The following PGS1 variants were observed in gnomAD, a reference collection of about 807,000 sequenced individuals.
PGS1 encodes the protein CDP-diacylglycerol--glycerol-3-phosphate 3-phosphatidyltransferase, mitochondrial.
Under a neutral mutation model 58.3 loss-of-function variants are expected in PGS1, and 44 were observed. That is an observed-to-expected ratio of 0.75 (90% CI 0.59 to 0.97). The LOEUF is 0.97. PGS1 is among the 50% of genes least tolerant of loss of function. PGS1 has a pLI of 0.00. For missense variants in PGS1, 684 were observed against 731.1 expected (o/e 0.94, Z 0.74); for synonymous variants, 330 against 311.0 (o/e 1.06, Z -0.64).
intron 6 of PGS1, among the ~76,000 whole-genome samples, chr17:78,403,130 A>G (rs1289743130): frequency 3.3e-5 from 5 of 152,096 alleles, no homozygotes; most frequent in Admixed American, 6.5e-5. Context: ...GAGCTTCCTT[A>G]TTGAAGTAGA....
chr17:78,386,418 G>T (rs570558940), intron 1 of PGS1, among the ~76,000 whole-genome samples: 1 of 152,186 alleles, frequency 6.6e-6, no homozygotes, highest in East Asian at 1.9e-4. Flanking sequence ...GAGAGGCAAG[G>T]GTGGCAGAAG....
chr17:78,414,791 C>A, intron 7 of PGS1, 88 bp from the exon 8 acceptor site: 1 of 1,503,400 alleles, frequency 6.7e-7, no homozygotes, highest in Non-Finnish European at 9.1e-7. Context: ...GGGCAGGCCG[C>A]CTTTCTCTTA....
In PGS1 at chr17:78,420,163, C is replaced by A. The variant is rs953539059; in HGVS notation, c.*10+488C>A. On this transcript the variant is annotated intron_variant, in intron 9 of 9. Transcript: ENST00000262764. ...GGGTGGGGCGTCGGTAGAGCCAGAC[C>A]GTGGGCTGCTGCCTGGACGCCTCGC... 9.0e-6 allele frequency: 9 copies of A among 1,000,968 alleles called. No individual in the cohort carries two copies. The African/African-American group carries it at 1.4e-4, about 15-fold the overall frequency. 62.0% of individuals were successfully genotyped at this position (1,000,968 alleles called of 1,614,324 possible).
intron 4 of PGS1, among the ~76,000 whole-genome samples, chr17:78,398,662 C>G (rs886580081): frequency 6.6e-6 from 1 of 152,222 alleles, no homozygotes; most frequent in African/African-American, 2.4e-5. Flanking sequence ...CATAGCCAGA[C>G]TTTGTCTCAT....
At chr17:78,415,084 G>C in intron 8 of PGS1, 57 bp downstream of exon 8, 1 of 1,593,946 alleles carries the variant, frequency 6.3e-7, no homozygotes. Context: ...GGGGGCCCAG[G>C]CTCACCCGTG....
intron 1 of PGS1, among the ~76,000 whole-genome samples, chr17:78,390,777 A>G (rs1291839791): frequency 6.6e-6 from 1 of 152,092 alleles, no homozygotes; most frequent in Non-Finnish European, 1.5e-5. Flanking sequence ...GCAGAAATGA[A>G]GTTCTGTGGG....
At chr17:78,422,324 T>C (rs369680207) in intron 9 of PGS1, among the ~76,000 whole-genome samples, 1 of 152,268 alleles carries the variant, frequency 6.6e-6, no homozygotes, top group East Asian at 1.9e-4. Context: ...AGGATTTTTC[T>C]TTTCCCTCCG....
chr17:78,387,376 T>C (rs950266911), intron 1 of PGS1, among the ~76,000 whole-genome samples: 1 of 151,020 alleles, frequency 6.6e-6, no homozygotes, highest in East Asian at 1.9e-4. Flanking sequence ...CTGGGCTCAC[T>C]GCAACCTCCG....
At chr17:78,397,591 C>CG (rs1029862886) in intron 3 of PGS1, among the ~76,000 whole-genome samples, 1 of 130,108 alleles carries the variant, frequency 7.7e-6, no homozygotes, top group South Asian at 2.5e-4. Flanking sequence ...CATGCGCCAC[C>CG]CCCCCAGCTA....
chr17:78,391,426 C>G (rs2082820150), intron 1 of PGS1, among the ~76,000 whole-genome samples: 1 of 152,004 alleles, frequency 6.6e-6, no homozygotes, highest in Admixed American at 6.6e-5. Context: ...CTCAGGAGAT[C>G]CTCCTGCCTC....
At chr17:78,398,205 A>C (rs776890768) in intron 3 of PGS1, 47 bp from the exon 4 acceptor site, 1 of 1,341,588 alleles carries the variant, frequency 7.5e-7, no homozygotes, top group East Asian at 2.3e-5. Context: ...TTAAATACAC[A>C]CACCTCTTTG....
Position 78,400,882 on chromosome 17 carries a change from A to G in PGS1, c.880+27A>G, listed in dbSNP as rs3817294. ...TAGGGGCTGCCGCTGACACCCTTCT[A>G]TGGCTGTGGGTGGGGTGGAGTGAGG... On this transcript the variant is annotated intron_variant, in intron 6 of 9. Transcript: ENST00000262764. This position sits in a 1 kb window ranked among gnomAD's most constrained non-coding sequence, Gnocchi z 4.4. 0.61 allele frequency: 940,972 copies of G among 1,546,666 alleles called. 287,276 individuals are homozygous for G. Among genetic ancestry groups the G allele is most frequent in the Middle Eastern group, 0.67 (3,937 of 5,834 alleles).
At position 78,400,829 on chromosome 17, in the gene PGS1, T is replaced by TG. The variant is rs753405390; in HGVS notation, c.856dup (p.Asp286GlyfsTer20). The TG allele has an allele frequency of 6.2e-7, 1 of 1,609,194 alleles. No homozygotes were observed. The highest frequency in any genetic ancestry group is 1.7e-5 in the Admixed American group (1 of 59,758). The stretch of plus-strand genomic sequence containing the variant: ...CAGGGGGACGACACGGTGCAGGTGG[T>TG]GGATGGGATGGTGCATCCTTACAAA... On this transcript the variant is annotated frameshift_variant, in exon 6 of 10. Coordinates refer to ENST00000262764, the MANE Select transcript of PGS1 (RefSeq NM_024419.5). LOFTEE classifies it high-confidence loss of function. The surrounding 1 kb of genome is among the most constrained non-coding windows in gnomAD (Gnocchi z 4.4).
intron 7 of PGS1, among the ~76,000 whole-genome samples, chr17:78,404,315 T>C (rs1483769281): frequency 6.7e-6 from 1 of 148,964 alleles, no homozygotes; most frequent in Non-Finnish European, 1.5e-5. Context: ...ACAGTCTTGC[T>C]CTGTTTCCCA....
intron 7 of PGS1, among the ~76,000 whole-genome samples, chr17:78,410,611 T>G (rs12942811): frequency 6.6e-6 from 1 of 150,850 alleles, no homozygotes; most frequent in Non-Finnish European, 1.5e-5. Context: ...GTAGCTGGGA[T>G]TACAGGCACG....
At chr17:78,383,807 G>A (rs144884351) in intron 1 of PGS1, among the ~76,000 whole-genome samples, 42 of 152,302 alleles carry the variant, frequency 2.8e-4, no homozygotes, top group African/African-American at 9.6e-4. Context: ...TTTCTCAATT[G>A]TAGCTTTAAG....
intron 7 of PGS1, 85 bp from the exon 8 acceptor site, chr17:78,414,794 T>C: frequency 3.3e-6 from 5 of 1,512,872 alleles, no homozygotes; most frequent in Non-Finnish European, 4.5e-6. Flanking sequence ...CAGGCCGCCT[T>C]TCTCTTAGAT....
intron 8 of PGS1, among the ~76,000 whole-genome samples, chr17:78,417,562 C>T (rs1264026776): frequency 6.6e-6 from 1 of 152,088 alleles, no homozygotes. Flanking sequence ...GTGGGGTGAC[C>T]CCTTCCTGAC....
intron 1 of PGS1, among the ~76,000 whole-genome samples, chr17:78,390,073 C>CGCCCCCCCGCCCCT (rs1359222799): frequency 1.3e-5 from 2 of 148,388 alleles, no homozygotes; most frequent in Admixed American, 6.7e-5. Context: ...CCCCCGCCCC[C>CGCCCCCCCGCCCCT]GACCATGTTT....
Sources: allele counts gnomAD v4.1 joint callset (sites outside exome capture counted in the v4.1 genomes callset), GRCh38; gene constraint gnomAD v4.1.1; non-coding constraint Gnocchi (gnomAD v3.1); transcripts MANE v1.5; gene names NCBI Gene and HGNC (gene_info 2026-07-23, HGNC 2026-07-21).